The following CCDC12 variants were observed in gnomAD, a reference collection of about 807,000 sequenced individuals.
CCDC12 encodes the protein coiled-coil domain containing 12.
A neutral mutation model predicts 25.7 loss-of-function variants in CCDC12; 28 were observed. The ratio of observed to expected loss-of-function variants is 1.09; its 90% CI spans 0.81 to 1.50. CCDC12 has a LOEUF of 1.50. Ranked by LOEUF, CCDC12 falls within the 40% of genes most tolerant of loss-of-function variation. The pLI is 0.00. For missense variants in CCDC12, 198 were observed against 210.0 expected, an observed-to-expected ratio of 0.94 and a Z score of 0.35; for synonymous variants, 75 against 87.7, an observed-to-expected ratio of 0.86 and a Z score of 0.81.
intron 1 of CCDC12, chr3:46,966,009 G>C (rs1157530096): frequency 1.3e-5 from 2 of 152,342 alleles, no homozygotes; most frequent in East Asian, 3.8e-4. Context: ...AAGGTGAGCA[G>C]GGTGGCGGAG....
intron 1 of CCDC12, among the ~76,000 whole-genome samples, chr3:46,949,971 A>G (rs1475008064): frequency 2.0e-5 from 3 of 150,256 alleles, no homozygotes; most frequent in African/African-American, 7.3e-5. Flanking sequence ...GGTTGCAGTG[A>G]GCCAAGATTG....
intron 1 of CCDC12, among the ~76,000 whole-genome samples, chr3:46,963,620 T>TG (rs1367659474): frequency 2.0e-5 from 3 of 152,206 alleles, no homozygotes; most frequent in Admixed American, 2.0e-4. Flanking sequence ...CACACCTGAC[T>TG]GGTTTTCGTA....
chr3:46,966,979 C>T (rs191691908), intron 1 of CCDC12, among the ~76,000 whole-genome samples: 2 of 152,230 alleles, frequency 1.3e-5, no homozygotes, highest in Admixed American at 6.5e-5. Context: ...ACCTGCAGAG[C>T]GAGCCTCAGG....
chr3:46,964,345 C>A (rs1477206922), intron 1 of CCDC12, among the ~76,000 whole-genome samples: 1 of 151,028 alleles, frequency 6.6e-6, no homozygotes, highest in Non-Finnish European at 1.5e-5. Context: ...GGTCAGCCCC[C>A]GCCCGGCCAG....
At chr3:46,945,649 A>T (rs2107148521) in intron 1 of CCDC12, among the ~76,000 whole-genome samples, 1 of 152,396 alleles carries the variant, frequency 6.6e-6, no homozygotes, top group Middle Eastern at 3.4e-3. Context: ...TCAGTGAAGC[A>T]ATCTTGGCCT....
intron 1 of CCDC12, among the ~76,000 whole-genome samples, chr3:46,974,116 T>C (rs549938101): frequency 6.6e-6 from 1 of 152,190 alleles, no homozygotes; most frequent in Non-Finnish European, 1.5e-5. Flanking sequence ...ACTGTATGAT[T>C]TGATTACATG....
chr3:46,931,772 AG>A (rs1490783741), intron 2 of CCDC12, among the ~76,000 whole-genome samples: 1 of 152,246 alleles, frequency 6.6e-6, no homozygotes, highest in Non-Finnish European at 1.5e-5. Context: ...AACAGACCAC[AG>A]GGAAGGCCAC....
chr3:46,925,668 G>A lies in CCDC12; in HGVS notation c.165-133C>T, dbSNP rs141698273. 4,429 of 790,982 alleles carry A rather than the reference G, an allele frequency of 5.6e-3. 21 individuals are homozygous for A. The highest frequency in any genetic ancestry group is 7.0e-3 in the Non-Finnish European group (3,553 of 507,522). 49.0% of individuals were successfully genotyped at this position (790,982 alleles called of 1,614,324 possible). A position where few individuals can be genotyped will look rare whatever the true frequency, so the allele number is the denominator to read the frequency against. Reference sequence around the variant, plus strand: ...CTCTCTGGAGATAGCCTGGTAAGGAGGAGAAGCACAGAATGGAGTGTCATC... The same window carrying A: ...CTCTCTGGAGATAGCCTGGTAAGGAAGAGAAGCACAGAATGGAGTGTCATC... On this transcript the variant is annotated intron_variant, in intron 2 of 6. Coordinates refer to ENST00000683445, the MANE Select transcript of CCDC12 (RefSeq NM_001277074.2).
rs546248220 is a variant in CCDC12 at position 46,922,816 on chromosome 3, A to G, written c.342-504T>C. The stretch of plus-strand genomic sequence containing the variant: ...TGTTAACTCGACCAAGAATCAGGCG[A>G]GAGGGATATAGCTCTACCTCCGGCT... On this transcript the variant is annotated intron_variant, in intron 5 of 6. Transcript: ENST00000683445. 8 of 193,504 alleles carry G rather than the reference A, an allele frequency of 4.1e-5. No individual in the cohort carries two copies. The East Asian group carries it at 6.9e-4, about 17-fold the overall frequency. 12.0% of individuals were successfully genotyped at this position (193,504 alleles called of 1,614,324 possible).
chr3:46,962,460 A>C (rs2034493278), intron 1 of CCDC12, among the ~76,000 whole-genome samples: 1 of 135,334 alleles, frequency 7.4e-6, no homozygotes, highest in Admixed American at 7.5e-5. Flanking sequence ...AAAAAAATTT[A>C]ATTTTAAGAG....
chr3:46,979,936 C>T, upstream of CCDC12: 1 of 349,936 alleles, frequency 2.9e-6, no homozygotes, highest in Non-Finnish European at 5.1e-6. Context: ...GCCCCGCGCC[C>T]GCACCCGCAC....
chr3:46,922,518 G>C (rs758595552), intron 5 of CCDC12: 81 of 611,154 alleles, frequency 1.3e-4, no homozygotes, highest in Non-Finnish European at 2.2e-4. Flanking sequence ...TGAGGCAGGG[G>C]GACTAGCATC....
chr3:46,942,898 C>T (rs974044906), intron 1 of CCDC12, among the ~76,000 whole-genome samples: 1 of 151,936 alleles, frequency 6.6e-6, no homozygotes, highest in Non-Finnish European at 1.5e-5. Context: ...AGGGCATTCC[C>T]GGTGGGAAGC....
At chr3:46,946,351 A>G (rs1361703572) in intron 1 of CCDC12, among the ~76,000 whole-genome samples, 1 of 152,280 alleles carries the variant, frequency 6.6e-6, no homozygotes, top group Non-Finnish European at 1.5e-5. Flanking sequence ...AATATCTTGT[A>G]CACTTAGGGA....
intron 2 of CCDC12, among the ~76,000 whole-genome samples, chr3:46,926,136 CAT>C (rs2032948103): frequency 1.3e-5 from 2 of 152,318 alleles, no homozygotes; most frequent in African/African-American, 4.8e-5. Flanking sequence ...TGAGGAGTGA[CAT>C]GTGGACAGAG....
upstream of CCDC12, chr3:46,979,666 A>C (rs2035161145): frequency 9.6e-6 from 3 of 313,972 alleles, no homozygotes; most frequent in Non-Finnish European, 1.2e-5. Context: ...GGCGGCCGGC[A>C]GTGAGGAGGA....
chr3:46,948,697 G>A (rs934515633), intron 1 of CCDC12, among the ~76,000 whole-genome samples: 16 of 152,340 alleles, frequency 1.1e-4, no homozygotes, highest in Middle Eastern at 3.4e-3. Flanking sequence ...AGGCACGCTG[G>A]GCCCCACCAT....
chr3:46,971,650 G>C (rs1170834415), intron 1 of CCDC12, among the ~76,000 whole-genome samples: 1 of 152,146 alleles, frequency 6.6e-6, no homozygotes, highest in Non-Finnish European at 1.5e-5. Context: ...TTATAGTCTG[G>C]TGAGAGTTAG....
chr3:46,976,753 C>A (rs777140774), upstream of CCDC12: 6 of 1,592,820 alleles, frequency 3.8e-6, no homozygotes, highest in East Asian at 1.2e-4. Context: ...TACGCCCCTC[C>A]TTTTCTCCCG....
Sources: allele counts gnomAD v4.1 joint callset (sites outside exome capture counted in the v4.1 genomes callset), GRCh38; gene constraint gnomAD v4.1.1; transcripts MANE v1.5; gene names NCBI Gene and HGNC (gene_info 2026-07-23, HGNC 2026-07-21).